Variants in EYS observed in about 807,000 individuals in gnomAD.
The protein encoded by EYS is EGF-like photoreceptor maintenance factor, also known as protein eyes shut homolog.
In EYS, 250 loss-of-function variants were observed where a neutral mutation model predicts 282.1. The ratio of observed to expected loss-of-function variants is 0.89; its 90% CI spans 0.80 to 0.98. The LOEUF (loss-of-function observed/expected upper bound fraction) is 0.98. Among genes scored for constraint, EYS ranks in the 50% least tolerant of loss-of-function variants. EYS has a pLI of 0.00. For synonymous variants in EYS, 1,355 were observed against 1,282.9 expected, an observed-to-expected ratio of 1.06 and a Z score of -1.20; for missense variants, 4,016 against 3,709.0, an observed-to-expected ratio of 1.08 and a Z score of -2.15.
intron 27 of EYS, among the ~76,000 whole-genome samples, chr6:64,438,121 T>A (rs1000723888): frequency 3.3e-5 from 5 of 151,704 alleles, no homozygotes; most frequent in Non-Finnish European, 7.4e-5. Flanking sequence ...CACTTTCAAA[T>A]GAAGTTGGTT....
At chr6:64,533,726 A>C (rs888948279) in intron 26 of EYS, among the ~76,000 whole-genome samples, 3 of 152,066 alleles carry the variant, frequency 2.0e-5, no homozygotes, top group Non-Finnish European at 4.4e-5. Flanking sequence ...TATCAGACAA[A>C]AATCCAGAAC....
chr6:64,112,758 G>T (rs1214331851), intron 31 of EYS, among the ~76,000 whole-genome samples: 2 of 147,740 alleles, frequency 1.4e-5, no homozygotes, highest in Admixed American at 1.3e-4. Context: ...TATATATCTA[G>T]AATAGATATA....
chr6:63,873,153 T>A (rs532969220), intron 35 of EYS, among the ~76,000 whole-genome samples: 289 of 110,350 alleles, frequency 2.6e-3, no homozygotes, highest in Non-Finnish European at 4.6e-3. Context: ...CCCTCCCCCC[T>A]CCCTACACCC....
At chr6:64,155,598 A>G (rs1774889681) in intron 31 of EYS, among the ~76,000 whole-genome samples, 1 of 152,162 alleles carries the variant, frequency 6.6e-6, no homozygotes, top group Non-Finnish European at 1.5e-5. Context: ...TTTATGACAT[A>G]CTAATATAAC....
At chr6:64,349,578 C>G (rs1189632974) in intron 29 of EYS, among the ~76,000 whole-genome samples, 1 of 151,192 alleles carries the variant, frequency 6.6e-6, no homozygotes, top group Non-Finnish European at 1.5e-5. Flanking sequence ...ATAGAATCTT[C>G]TATTTGATAC....
At chr6:64,923,513 T>C (rs1339123874) in intron 15 of EYS, among the ~76,000 whole-genome samples, 4 of 152,194 alleles carry the variant, frequency 2.6e-5, no homozygotes, top group African/African-American at 9.7e-5. Context: ...AATCATGTGT[T>C]CCTAACAGTC....
chr6:63,721,759 G>T lies in EYS; in HGVS notation c.8272C>A (p.Gln2758Lys). Residue 2758 changes from glutamine to lysine, a missense_variant, in exon 43 of 43, where the codon CAA becomes AAA. Transcript: ENST00000503581. ...CTGTCGCCAAGGTTGTAGCGAAGTT[G>T]AACGGAACTATTTACTAAAGAGATG... is the stretch of plus-strand genomic sequence containing the variant. ...LCISLVNSSV[Q>K]LRYNLGDRTI... The T allele has an allele frequency of 6.4e-7, 1 of 1,550,986 alleles. No individual in the cohort carries two copies. Among genetic ancestry groups the T allele is most frequent in the South Asian group, 1.2e-5 (1 of 83,960 alleles).
chr6:64,573,260 T>C (rs1265873966), intron 26 of EYS, among the ~76,000 whole-genome samples: 3 of 152,130 alleles, frequency 2.0e-5, no homozygotes, highest in African/African-American at 4.8e-5. Context: ...TTACACCTTA[T>C]ACAAAAATTT....
chr6:64,989,705 G>C (rs1343124001), intron 14 of EYS, among the ~76,000 whole-genome samples: 4 of 139,624 alleles, frequency 2.9e-5, no homozygotes, highest in Non-Finnish European at 6.2e-5. Context: ...TATTTCTTAT[G>C]TATAAATTAT....
chr6:65,432,213 G>C (rs1332695681), intron 5 of EYS, among the ~76,000 whole-genome samples: 1 of 151,912 alleles, frequency 6.6e-6, no homozygotes, highest in Non-Finnish European at 1.5e-5. Flanking sequence ...TTATAAATAG[G>C]GTTTTTGGAA....
At position 64,902,164 on chromosome 6, in the gene EYS, C is replaced by G. The variant is rs1462489267; in HGVS notation, c.2795G>C (p.Cys932Ser). ...ATTATTTTTGCAAGGTTCAGAGGAA[C>G]ATTCATTAATTTCAATTTCACACAG... ...GSLCEIEINECSSEPCKNNGT... is the reference protein window; with the variant it reads ...GSLCEIEINESSSEPCKNNGT... Residue 932 changes from cysteine to serine, a missense_variant, in exon 18 of 43, where the codon TGT becomes TCT. Cys to Ser is a moderately radical substitution (Grantham distance 112). Coordinates refer to ENST00000503581, the MANE Select transcript of EYS (RefSeq NM_001142800.2). The G allele has an allele frequency of 1.3e-6, 2 of 1,550,510 alleles. No individual in the cohort carries two copies. The highest frequency in any genetic ancestry group is 1.7e-6 in the Non-Finnish European group (2 of 1,146,460).
At chr6:65,223,187 G>A (rs1766517707) in intron 12 of EYS, among the ~76,000 whole-genome samples, 1 of 152,056 alleles carries the variant, frequency 6.6e-6, no homozygotes, top group Non-Finnish European at 1.5e-5. Context: ...GACCAACATG[G>A]CAAAATCCCA....
At chr6:65,133,455 G>T (rs9453199) in intron 12 of EYS, among the ~76,000 whole-genome samples, 4,292 of 151,944 alleles carry the variant, frequency 0.028, 156 homozygotes, top group African/African-American at 0.086. Flanking sequence ...AGACTAGGGA[G>T]CTCATCAGAA....
chr6:64,861,634 G>T (rs1321707950), intron 19 of EYS, among the ~76,000 whole-genome samples: 1 of 152,106 alleles, frequency 6.6e-6, no homozygotes, highest in African/African-American at 2.4e-5. Flanking sequence ...GCTTCCACCT[G>T]GTCCTAACTC....
At chr6:63,986,850 T>C (rs976774681) in intron 34 of EYS, among the ~76,000 whole-genome samples, 4 of 151,670 alleles carry the variant, frequency 2.6e-5, no homozygotes, top group African/African-American at 9.7e-5. Flanking sequence ...TCCCAGGTGA[T>C]GAAATAATCT....
chr6:65,428,868 T>C (rs1023755575), intron 5 of EYS, among the ~76,000 whole-genome samples: 1 of 152,032 alleles, frequency 6.6e-6, no homozygotes, highest in Non-Finnish European at 1.5e-5. Context: ...GGCACCAATA[T>C]GAAATTGTGG....
intron 35 of EYS, among the ~76,000 whole-genome samples, chr6:63,972,541 CT>C (rs760518349): frequency 7.3e-5 from 11 of 151,544 alleles, no homozygotes; most frequent in South Asian, 2.1e-4. Flanking sequence ...GAGAACTAAT[CT>C]TTTTTTTTAT....
chr6:65,608,682 C>A (rs1448184983), intron 2 of EYS, among the ~76,000 whole-genome samples: 1 of 151,984 alleles, frequency 6.6e-6, no homozygotes, highest in Non-Finnish European at 1.5e-5. Flanking sequence ...TATGTTCTTG[C>A]TTTATATCCC....
chr6:63,940,899 G>A (rs1280080472), intron 35 of EYS, among the ~76,000 whole-genome samples: 2 of 138,448 alleles, frequency 1.4e-5, no homozygotes, highest in Non-Finnish European at 3.0e-5. Flanking sequence ...TGTTCTCATT[G>A]TTCAGTTCCC....
Sources: allele counts gnomAD v4.1 joint callset (sites outside exome capture counted in the v4.1 genomes callset), GRCh38; gene constraint gnomAD v4.1.1; transcripts MANE v1.5; gene names NCBI Gene and HGNC (gene_info 2026-07-23, HGNC 2026-07-21).